The following COL28A1 variants were observed in gnomAD, a reference collection of about 807,000 sequenced individuals.
COL28A1 encodes the protein collagen type XXVIII alpha 1 chain.
In COL28A1, 161 loss-of-function variants were observed where a neutral mutation model predicts 150.2. The ratio of observed to expected loss-of-function variants is 1.07; its 90% CI spans 0.94 to 1.22. COL28A1 has a LOEUF of 1.22. Ranked by LOEUF, COL28A1 falls within the 50% of genes most tolerant of loss-of-function variation. COL28A1 has a pLI of 0.00. For missense variants in COL28A1, 1,617 were observed against 1,388.3 expected (o/e 1.16, Z -2.62); for synonymous variants, 552 against 469.7 (o/e 1.18, Z -2.26).
At chr7:7,440,138 C>G (rs996854634) in intron 21 of COL28A1, among the ~76,000 whole-genome samples, 2 of 152,122 alleles carry the variant, frequency 1.3e-5, no homozygotes, top group Admixed American at 6.5e-5. Flanking sequence ...CCTCACAATC[C>G]CCTTCGCTTC....
intron 13 of COL28A1, among the ~76,000 whole-genome samples, chr7:7,477,706 A>G (rs956744312): frequency 4.6e-5 from 7 of 152,306 alleles, no homozygotes; most frequent in African/African-American, 2.4e-5. Flanking sequence ...GGCAGTGTGG[A>G]CCCAAACAGT....
rs1782390243 is a variant in COL28A1, at chr7:7,389,339, C to G, written c.2137-7727G>C. The stretch of plus-strand genomic sequence containing the variant: ...TAGTGTTATTTCTGAGGCTTCTGTT[C>G]TGTTCCACTGGTCAACATATCTGTT... On this transcript the variant is annotated intron_variant, in intron 27 of 34. Coordinates refer to ENST00000399429, the MANE Select transcript of COL28A1 (RefSeq NM_001037763.3). Among the ~76,000 whole-genome samples, 3 of 152,184 alleles carry G rather than the reference C, an allele frequency of 2.0e-5. No homozygotes were observed. In the East Asian group the frequency reaches 5.8e-4, roughly 29 times the overall value.
chr7:7,477,324 A>G (rs1788980134), intron 13 of COL28A1, 144 bp from the exon 14 acceptor site: 1 of 623,232 alleles, frequency 1.6e-6, no homozygotes, highest in African/African-American at 1.8e-5. Flanking sequence ...TCTGTACTAA[A>G]CATGTACAGG....
intron 18 of COL28A1, among the ~76,000 whole-genome samples, chr7:7,450,490 T>C (rs145461184): frequency 1.1e-3 from 174 of 152,330 alleles, no homozygotes; most frequent in Non-Finnish European, 2.0e-3. Context: ...ATTTGCAGTT[T>C]GTATAACACA....
At chr7:7,508,935 G>A (rs1266314490) in intron 9 of COL28A1, among the ~76,000 whole-genome samples, 2 of 152,148 alleles carry the variant, frequency 1.3e-5, no homozygotes, top group Non-Finnish European at 2.9e-5. Flanking sequence ...CCAGGTTCAA[G>A]CAATTCTCCT....
chr7:7,501,148 T>G (rs902734058), intron 11 of COL28A1, among the ~76,000 whole-genome samples: 5 of 152,206 alleles, frequency 3.3e-5, no homozygotes, highest in African/African-American at 9.6e-5. Flanking sequence ...AAAAGAATGC[T>G]AAGTTTCTTA....
chr7:7,533,028 T>C (rs1323146410), intron 1 of COL28A1, 116 bp from the exon 2 acceptor site: 2 of 1,124,814 alleles, frequency 1.8e-6, no homozygotes, highest in Admixed American at 3.6e-5. Context: ...AGGTTTTCAT[T>C]CATATTTCTA....
Position 7,387,676 on chromosome 7 carries a change from C to A in COL28A1, c.2137-6064G>T, listed in dbSNP as rs547945541. On this transcript the variant is annotated intron_variant, in intron 27 of 34. Coordinates refer to ENST00000399429, the MANE Select transcript of COL28A1 (RefSeq NM_001037763.3). ...TCTGGGTAAAGGATATATAAAAATT[C>A]TTTGTATTATCTTTGCAACTTTTTT... 1.2e-4 allele frequency among the ~76,000 whole-genome samples: 18 copies of A among 152,062 alleles called. No individual in the cohort carries two copies. In the South Asian group the frequency reaches 2.3e-3, roughly 19 times the overall value.
chr7:7,412,527 G>T (rs1164523192), intron 27 of COL28A1, among the ~76,000 whole-genome samples: 2 of 152,084 alleles, frequency 1.3e-5, no homozygotes, highest in African/African-American at 4.8e-5. Context: ...CTAGCGAAAG[G>T]GAAGGGAAGC....
chr7:7,448,000 A>T (rs1421504523), intron 18 of COL28A1, among the ~76,000 whole-genome samples: 1 of 152,158 alleles, frequency 6.6e-6, no homozygotes, highest in Non-Finnish European at 1.5e-5. Flanking sequence ...CCAGGAGGCA[A>T]GGCTGCAGTG....
At chr7:7,428,720 A>G (rs1784776626) in intron 25 of COL28A1, among the ~76,000 whole-genome samples, 1 of 152,248 alleles carries the variant, frequency 6.6e-6, no homozygotes, top group South Asian at 2.1e-4. Context: ...AGCACTTCCC[A>G]CTTAGCAAGA....
At chr7:7,410,426 G>T (rs142315368) in intron 27 of COL28A1, among the ~76,000 whole-genome samples, 57 of 152,208 alleles carry the variant, frequency 3.7e-4, no homozygotes, top group African/African-American at 1.4e-3. Flanking sequence ...ATGTGGTCTC[G>T]ACTCCTCCTT....
At chr7:7,344,475 G>T in the COL28A1 span, among the ~76,000 whole-genome samples, 93,342 of 151,928 alleles carry the variant, frequency 0.61, 32,771 homozygotes, top group East Asian at 0.87. Context: ...TTATAGTTAA[G>T]ATTGAATTAC....
intron 33 of COL28A1, among the ~76,000 whole-genome samples, chr7:7,361,846 G>A (rs1254086795): frequency 1.6e-5 from 1 of 62,310 alleles, no homozygotes; most frequent in Non-Finnish European, 3.5e-5. Flanking sequence ...GGAATACTAT[G>A]CAGCCATAAA....
At chr7:7,516,229 TAGAG>T (rs1343061402) in intron 7 of COL28A1, among the ~76,000 whole-genome samples, 3 of 152,248 alleles carry the variant, frequency 2.0e-5, no homozygotes, top group African/African-American at 7.2e-5. Context: ...GAATGTTTCA[TAGAG>T]ACTCTGAAAG....
intron 23 of COL28A1, among the ~76,000 whole-genome samples, chr7:7,434,113 G>A (rs1785178109): frequency 6.6e-6 from 1 of 152,152 alleles, no homozygotes; most frequent in East Asian, 1.9e-4. Context: ...TGCAACAGCT[G>A]TTATTTCCTA....
intron 17 of COL28A1, among the ~76,000 whole-genome samples, 184 bp downstream of exon 17, chr7:7,453,256 A>C (rs187169933): frequency 3.3e-5 from 5 of 152,262 alleles, no homozygotes; most frequent in African/African-American, 1.2e-4. Flanking sequence ...AAGCTTTCTT[A>C]AAGCATAAAG....
downstream of COL28A1, among the ~76,000 whole-genome samples, chr7:7,355,916 G>A (rs1393105386): frequency 6.6e-6 from 1 of 152,178 alleles, no homozygotes; most frequent in Non-Finnish European, 1.5e-5. Flanking sequence ...GCAGAATACT[G>A]AGGAAAATGA....
chr7:7,354,595 T>C (rs1344699209), downstream of COL28A1, among the ~76,000 whole-genome samples: 1 of 152,164 alleles, frequency 6.6e-6, no homozygotes, highest in Non-Finnish European at 1.5e-5. Flanking sequence ...AGGCTATTAG[T>C]ATTGTTATTC....
Sources: gnomAD v4.1 joint callset for allele counts (sites outside exome capture counted in the v4.1 genomes callset) on GRCh38, gnomAD v4.1.1 for gene constraint, MANE v1.5 for transcripts, NCBI Gene and HGNC (gene_info 2026-07-23, HGNC 2026-07-21) for gene names.